The following GUCY1A2 variants were observed in gnomAD, a reference collection of about 807,000 sequenced individuals.
GUCY1A2 encodes guanylate cyclase 1 soluble subunit alpha 2, also known as guanylate cyclase soluble subunit alpha-2.
A neutral mutation model predicts 63.5 loss-of-function variants in GUCY1A2; 27 were observed. That is an observed-to-expected ratio of 0.43 (90% CI 0.31 to 0.59). The LOEUF is 0.59. GUCY1A2 is among the 20% of genes least tolerant of loss of function. The pLI is 0.11. For synonymous variants in GUCY1A2, 364 were observed against 343.5 expected, an observed-to-expected ratio of 1.06 and a Z score of -0.66; for missense variants, 768 against 913.3, an observed-to-expected ratio of 0.84 and a Z score of 2.05.
rs773378673 is a variant in GUCY1A2, at chr11:106,679,103, T to A, written c.*8446A>T. The A allele has an allele frequency of 5.4e-6, 1 of 184,652 alleles. No individual in the cohort carries two copies. The highest frequency in any genetic ancestry group is 1.1e-5 in the Non-Finnish European group (1 of 87,072). 11.4% of individuals were successfully genotyped at this position (184,652 alleles called of 1,614,324 possible). ...GAGTTGACTCTTTCAGGACAATAAA[T>A]CTTTGTCTTAAATTCTTTTTCTAAC... On this transcript the variant is annotated 3_prime_UTR_variant, in exon 8 of 8. Transcript: ENST00000526355.
intron 4 of GUCY1A2, among the ~76,000 whole-genome samples, chr11:106,931,771 T>A (rs538356615): frequency 6.6e-6 from 1 of 152,230 alleles, no homozygotes; most frequent in African/African-American, 2.4e-5. Context: ...AAGAAATGAG[T>A]AGAAGAAGCA....
intron 7 of GUCY1A2, among the ~76,000 whole-genome samples, chr11:106,699,265 T>C (rs1862775856): frequency 6.6e-6 from 1 of 152,194 alleles, no homozygotes; most frequent in Non-Finnish European, 1.5e-5. Flanking sequence ...GGTGCCATTT[T>C]TAATGGAGAA....
At chr11:106,986,860 C>G (rs1419364528) in intron 1 of GUCY1A2, among the ~76,000 whole-genome samples, 1 of 152,094 alleles carries the variant, frequency 6.6e-6, no homozygotes, top group East Asian at 1.9e-4. Flanking sequence ...GAGTCTGCAA[C>G]AAATATCTAA....
intron 1 of GUCY1A2, among the ~76,000 whole-genome samples, chr11:107,001,926 G>C (rs2120183738): frequency 6.6e-6 from 1 of 152,030 alleles, no homozygotes; most frequent in East Asian, 1.9e-4. Context: ...GGCTGAGGCA[G>C]GAGAATCGCT....
rs1425238833 is a variant in GUCY1A2 at position 106,684,592 on chromosome 11, T to A, written c.*2957A>T. The stretch of plus-strand genomic sequence containing the variant: ...ATTCTCTCCATCAAAATAATCCTGA[T>A]ACCAACGTGATGCTTTGGTGCTAAT... On this transcript the variant is annotated 3_prime_UTR_variant, in exon 8 of 8. Transcript: ENST00000526355. The A allele has an allele frequency of 5.0e-6, 1 of 199,982 alleles. No individual in the cohort carries two copies. The highest frequency in any genetic ancestry group is 1.9e-4 in the South Asian group (1 of 5,230). 12.4% of individuals were successfully genotyped at this position (199,982 alleles called of 1,614,324 possible). A position where few individuals can be genotyped will look rare whatever the true frequency, so the allele number is the denominator to read the frequency against.
intron 5 of GUCY1A2, among the ~76,000 whole-genome samples, chr11:106,797,031 T>C (rs1032714439): frequency 2.6e-5 from 4 of 152,160 alleles, no homozygotes; most frequent in African/African-American, 9.7e-5. Context: ...CATTTGATCT[T>C]CAATCACTGA....
At chr11:106,883,293 T>C (rs1299840990) in intron 4 of GUCY1A2, among the ~76,000 whole-genome samples, 1 of 152,146 alleles carries the variant, frequency 6.6e-6, no homozygotes, top group Non-Finnish European at 1.5e-5. Context: ...AGCCAATAAA[T>C]AAGGAAACTC....
At chr11:107,015,632 T>C (rs1225700621) in intron 1 of GUCY1A2, among the ~76,000 whole-genome samples, 1 of 116,802 alleles carries the variant, frequency 8.6e-6, no homozygotes, top group Non-Finnish European at 1.7e-5. Flanking sequence ...CTCCCCAAAC[T>C]AATCATTATC....
intron 6 of GUCY1A2, among the ~76,000 whole-genome samples, chr11:106,759,958 T>C: frequency 6.6e-6 from 1 of 152,096 alleles, no homozygotes; most frequent in South Asian, 2.1e-4. Flanking sequence ...AGGAGAAATC[T>C]GGACACAGAT....
intron 4 of GUCY1A2, among the ~76,000 whole-genome samples, chr11:106,876,910 C>T (rs556375625): frequency 2.0e-5 from 3 of 152,096 alleles, no homozygotes; most frequent in African/African-American, 4.8e-5. Flanking sequence ...TCTGACATGA[C>T]AAAAGAGACT....
Position 106,716,881 on chromosome 11 carries a change from C to T in GUCY1A2, c.1837-8215G>A, listed in dbSNP as rs1208032419. Among the ~76,000 whole-genome samples, 4 of 151,354 alleles carry T rather than the reference C, an allele frequency of 2.6e-5. No homozygotes were observed. In the South Asian group the frequency reaches 6.2e-4, roughly 24 times the overall value. On this transcript the variant is annotated intron_variant, in intron 6 of 7. Transcript: ENST00000526355. The stretch of plus-strand genomic sequence containing the variant: ...CTAGTGCAGGATACATTTGTGAACA[C>T]GGTACAGCGTTCTAGTGAACGGCTA...
intron 6 of GUCY1A2, among the ~76,000 whole-genome samples, chr11:106,740,329 G>C (rs1277581830): frequency 6.6e-6 from 1 of 151,984 alleles, no homozygotes; most frequent in Non-Finnish European, 1.5e-5. Flanking sequence ...TTCTCAGTGG[G>C]AGTAGGTAAG....
intron 4 of GUCY1A2, among the ~76,000 whole-genome samples, chr11:106,854,341 G>A (rs181425353): frequency 6.6e-6 from 1 of 152,288 alleles, no homozygotes; most frequent in Non-Finnish European, 1.5e-5. Flanking sequence ...GAGTACAGCA[G>A]CAGGTTGAGT....
intron 7 of GUCY1A2, among the ~76,000 whole-genome samples, chr11:106,693,778 T>C (rs537582554): frequency 6.6e-6 from 1 of 152,258 alleles, no homozygotes; most frequent in African/African-American, 2.4e-5. Context: ...ATTTCCACTC[T>C]TGTGGTATGA....
At chr11:106,847,581 G>T (rs1410163825) in intron 4 of GUCY1A2, among the ~76,000 whole-genome samples, 2 of 151,444 alleles carry the variant, frequency 1.3e-5, no homozygotes, top group Non-Finnish European at 3.0e-5. Flanking sequence ...TTTCAGCTGA[G>T]CCCCATTAGT....
At chr11:106,776,691 C>T in intron 5 of GUCY1A2, 109 bp from the exon 6 acceptor site, 1 of 1,032,570 alleles carries the variant, frequency 9.7e-7, no homozygotes, top group East Asian at 2.4e-5. Context: ...GGCAAAACAT[C>T]AATAAATTAA....
At chr11:106,853,543 T>A (rs895492240) in intron 4 of GUCY1A2, among the ~76,000 whole-genome samples, 1 of 152,136 alleles carries the variant, frequency 6.6e-6, no homozygotes, top group Non-Finnish European at 1.5e-5. Context: ...ATTCAGGCCA[T>A]AAATTATTTT....
At chr11:106,882,929 A>G (rs1224516044) in intron 4 of GUCY1A2, among the ~76,000 whole-genome samples, 1 of 152,036 alleles carries the variant, frequency 6.6e-6, no homozygotes, top group Non-Finnish European at 1.5e-5. Flanking sequence ...TCCTCATCCC[A>G]TCATTCAGAT....
At chr11:106,827,605 A>G (rs1858989395) in intron 4 of GUCY1A2, 2 of 1,496,982 alleles carry the variant, frequency 1.3e-6, no homozygotes, top group Middle Eastern at 1.7e-4. Flanking sequence ...GTTACAATGC[A>G]GTGTTCTTCA....
Sources: gnomAD v4.1 joint callset for allele counts (sites outside exome capture counted in the v4.1 genomes callset) on GRCh38, gnomAD v4.1.1 for gene constraint, MANE v1.5 for transcripts, NCBI Gene and HGNC (gene_info 2026-07-23, HGNC 2026-07-21) for gene names.